The following PCDHGA10 variants were observed in gnomAD, a reference collection of about 807,000 sequenced individuals.
The protein encoded by PCDHGA10 is protocadherin gamma-A10.
Under a neutral mutation model 59.5 loss-of-function variants are expected in PCDHGA10, and 42 were observed. The observed-to-expected ratio is 0.71, with a 90% CI of 0.55 to 0.91. The LOEUF (loss-of-function observed/expected upper bound fraction) is 0.91. PCDHGA10 is among the 40% of genes least tolerant of loss of function. The probability of loss-of-function intolerance (pLI) is 0.00; values close to 1 mark genes in which losing one functional copy is unlikely to be tolerated. For missense variants in PCDHGA10, 1,111 were observed against 1,198.2 expected, an observed-to-expected ratio of 0.93 and a Z score of 1.07; for synonymous variants, 511 against 517.2, an observed-to-expected ratio of 0.99 and a Z score of 0.16.
chr5:141,420,042 A>T, intron 1 of PCDHGA10: 2 of 1,614,048 alleles, frequency 1.2e-6, no homozygotes, highest in Non-Finnish European at 8.5e-7. Context: ...GACTGCTTTG[A>T]GTCAGTTCTC....
chr5:141,489,066 C>G lies in PCDHGA10; in HGVS notation c.2437-5741C>G. The stretch of plus-strand genomic sequence containing the variant: ...CACTCAAATTCAGCTCCCCTCCCCC[C>G]TGCCCACCCCCGCCACTCGGTGACT... On this transcript the variant is annotated intron_variant, in intron 1 of 3. Transcript: ENST00000398610. This position sits in a 1 kb window ranked among gnomAD's most constrained non-coding sequence, Gnocchi z 4.5. 1 of 391,132 alleles carries G rather than the reference C, an allele frequency of 2.6e-6. No individual in the cohort carries two copies. Among genetic ancestry groups the G allele is most frequent in the South Asian group, 4.2e-5 (1 of 24,028 alleles). 24.2% of individuals were successfully genotyped at this position (391,132 alleles called of 1,614,324 possible).
intron 2 of PCDHGA10, among the ~76,000 whole-genome samples, chr5:141,497,880 T>C (rs2099780200): frequency 6.6e-6 from 1 of 152,170 alleles, no homozygotes; most frequent in Non-Finnish European, 1.5e-5. Context: ...GAAATAAGCG[T>C]TAGGATCTAG....
chr5:141,426,491 G>A, intron 1 of PCDHGA10: 1 of 336,822 alleles, frequency 3.0e-6, no homozygotes, highest in South Asian at 2.4e-5. Flanking sequence ...CTTAGAGTTA[G>A]TGCAGAGAAA....
At position 141,432,247 on chromosome 5, in the gene PCDHGA10, C is replaced by G. The variant is rs139910620; in HGVS notation, c.2436+16636C>G. 61 of 1,614,264 alleles carry G rather than the reference C, an allele frequency of 3.8e-5. No homozygotes were observed. The African/African-American group carries it at 6.3e-4, about 17-fold the overall frequency. On this transcript the variant is annotated intron_variant, in intron 1 of 3. Transcript: ENST00000398610. The surrounding 1 kb of genome is among the most constrained non-coding windows in gnomAD (Gnocchi z 6.0). ...CTTATTCCCTGGCTGAGAACACCAT[C>G]CAAGGGGCAAGCCTATCGTCCTACG...
chr5:141,432,722 T>G lies in PCDHGA10; in HGVS notation c.2436+17111T>G, dbSNP rs2097531915. 6.2e-7 allele frequency: 1 copy of G among 1,613,646 alleles called. No homozygotes were observed. Among genetic ancestry groups the G allele is most frequent in the African/African-American group, 1.3e-5 (1 of 74,900 alleles). ...CCAGGACCACGGCCAGCCCCCTCTC[T>G]CCGCCACTGTCACGCTCACCGTGGC... On this transcript the variant is annotated intron_variant, in intron 1 of 3. Coordinates refer to ENST00000398610, the MANE Select transcript of PCDHGA10 (RefSeq NM_018913.3). The surrounding 1 kb of genome is among the most constrained non-coding windows in gnomAD (Gnocchi z 6.0).
intron 1 of PCDHGA10, chr5:141,478,557 G>A (rs1316386006): frequency 1.2e-6 from 2 of 1,600,016 alleles, no homozygotes; most frequent in Non-Finnish European, 1.7e-6. Context: ...GTAAGGTTTA[G>A]CAAGTCATGC....
chr5:141,413,353 C>T lies in PCDHGA10; in HGVS notation c.178C>T (p.Pro60Ser), dbSNP rs2095629361. 2 of 1,613,844 alleles carry T rather than the reference C, an allele frequency of 1.2e-6. No individual in the cohort carries two copies. The highest frequency in any genetic ancestry group is 1.6e-4 in the Middle Eastern group (1 of 6,082). The change falls in exon 1 of 4, where the codon CCC becomes TCC. Residue 60 changes from proline (P) to serine (S), a missense_variant. Physicochemically the swap from Pro to Ser is moderately conservative, Grantham distance 74. Transcript: ENST00000398610. ...CATCTCCAAGGACTTGGGTCTGGCG[C>T]CCCGGGAGCTGGCGGAGCGCGGAGT... ...GNISKDLGLAPRELAERGVRI... is the reference protein window; with the variant it reads ...GNISKDLGLASRELAERGVRI...
chr5:141,425,835 T>C (rs536839515), intron 1 of PCDHGA10, among the ~76,000 whole-genome samples: 1 of 152,256 alleles, frequency 6.6e-6, no homozygotes, highest in Admixed American at 6.5e-5. Flanking sequence ...TTTTAAATTC[T>C]CTTTGCTGGG....
chr5:141,414,799 G>A lies in PCDHGA10; in HGVS notation c.1624G>A (p.Gly542Arg). The change falls in exon 1 of 4, where the codon GGG becomes AGG. Residue 542 changes from glycine to arginine, a missense_variant. Gly to Arg is a moderately radical substitution (Grantham distance 125). Coordinates refer to ENST00000398610, the MANE Select transcript of PCDHGA10 (RefSeq NM_018913.3). ...LQMQVTASDS[G>R]DPPLSSNVSL... The stretch of plus-strand genomic sequence containing the variant: ...GATGCAGGTGACAGCCAGCGACAGC[G>A]GGGATCCTCCACTCAGCAGCAACGT... 1 of 1,614,214 alleles carries A rather than the reference G, an allele frequency of 6.2e-7. No homozygotes were observed. The highest frequency in any genetic ancestry group is 8.5e-7 in the Non-Finnish European group (1 of 1,180,042).
chr5:141,483,756 G>C (rs11739909), intron 1 of PCDHGA10, among the ~76,000 whole-genome samples: 24,641 of 152,020 alleles, frequency 0.16, 2,128 homozygotes, highest in African/African-American at 0.22. Context: ...GAGGATCGAG[G>C]CTTGGAAAAA....
chr5:141,471,925 G>A (rs1371923375), intron 1 of PCDHGA10, among the ~76,000 whole-genome samples: 1 of 152,076 alleles, frequency 6.6e-6, no homozygotes, highest in Non-Finnish European at 1.5e-5. Flanking sequence ...AAATTTTGGG[G>A]GTGATGAGAG....
At chr5:141,460,341 C>T (rs557699438) in intron 1 of PCDHGA10, among the ~76,000 whole-genome samples, 39 of 152,110 alleles carry the variant, frequency 2.6e-4, no homozygotes, top group Admixed American at 2.4e-3. Flanking sequence ...ATGATTTTCT[C>T]CTATATTTTC....
chr5:141,499,466 G>C (rs1337970911), intron 2 of PCDHGA10, among the ~76,000 whole-genome samples: 1 of 152,034 alleles, frequency 6.6e-6, no homozygotes, highest in African/African-American at 2.4e-5. Flanking sequence ...TTACAATCTA[G>C]GGAGAACCAC....
At chr5:141,497,722 T>C (rs1395904793) in intron 2 of PCDHGA10, among the ~76,000 whole-genome samples, 1 of 152,030 alleles carries the variant, frequency 6.6e-6, no homozygotes, top group Non-Finnish European at 1.5e-5. Flanking sequence ...GTATTTTTAG[T>C]AGAGATGGGT....
At chr5:141,423,501 C>T (rs2096747990) in intron 1 of PCDHGA10, 1 of 1,613,990 alleles carries the variant, frequency 6.2e-7, no homozygotes, top group Non-Finnish European at 8.5e-7. Context: ...CCCACGAGGT[C>T]TCTCTCATTG....
intron 1 of PCDHGA10, among the ~76,000 whole-genome samples, chr5:141,469,029 C>A (rs2099189188): frequency 6.6e-6 from 1 of 152,052 alleles, no homozygotes; most frequent in Non-Finnish European, 1.5e-5. Flanking sequence ...GTAATCCCAG[C>A]ACTTTGGGAG....
chr5:141,478,499 G>A (rs77463374), intron 1 of PCDHGA10: 18 of 1,612,728 alleles, frequency 1.1e-5, no homozygotes, highest in African/African-American at 2.7e-5. Context: ...CTGTGATCCG[G>A]TGTTCTATAG....
rs780664832 is a variant in PCDHGA10 at position 141,422,982 on chromosome 5, T to C, written c.2436+7371T>C. On this transcript the variant is annotated intron_variant, in intron 1 of 3. Coordinates refer to ENST00000398610, the MANE Select transcript of PCDHGA10 (RefSeq NM_018913.3). ...AGCTGGCGCCCCGCTCTGCGGAACC[T>C]GGCTACCTGGTGACCAAGGTGGTTG... 2.5e-6 allele frequency: 4 copies of C among 1,614,206 alleles called. No individual in the cohort carries two copies. The South Asian group carries it at 4.4e-5, about 18-fold the overall frequency.
chr5:141,455,140 A>G (rs1465733732), intron 1 of PCDHGA10, among the ~76,000 whole-genome samples: 1 of 150,512 alleles, frequency 6.6e-6, no homozygotes, highest in Non-Finnish European at 1.5e-5. Context: ...ACACTGTGTT[A>G]AATAAATATT....
Sources: gnomAD v4.1 joint callset for allele counts (sites outside exome capture counted in the v4.1 genomes callset) on GRCh38, gnomAD v4.1.1 for gene constraint, Gnocchi (gnomAD v3.1) non-coding constraint, MANE v1.5 for transcripts, NCBI Gene and HGNC (gene_info 2026-07-23, HGNC 2026-07-21) for gene names.